SFTPB: variants seen among roughly 807,000 people sequenced by gnomAD.
The protein encoded by SFTPB is pulmonary surfactant-associated protein B.
SFTPB carries 32 observed loss-of-function variants against 51.0 expected under a neutral mutation model. The ratio of observed to expected loss-of-function variants is 0.63; its 90% CI spans 0.47 to 0.84. The LOEUF is 0.84. SFTPB is among the 40% of genes least tolerant of loss of function. The pLI is 0.00. For synonymous variants in SFTPB, 211 were observed against 208.5 expected (o/e 1.01, Z -0.10); for missense variants, 431 against 491.2 (o/e 0.88, Z 1.16).
chr2:85,661,672 C>T, intron 9 of SFTPB, 137 bp from the exon 10 acceptor site: 1 of 717,984 alleles, frequency 1.4e-6, no homozygotes, highest in Non-Finnish European at 2.4e-6. Flanking sequence ...ACCCCTCGGG[C>T]CACTCCCTGA....
Position 85,663,510 on chromosome 2 carries a change from G to T in SFTPB, c.857-19C>A, listed in dbSNP as rs775873165. 1 of 1,612,966 alleles carries T rather than the reference G, an allele frequency of 6.2e-7. No individual in the cohort carries two copies. The highest frequency in any genetic ancestry group is 1.1e-5 in the South Asian group (1 of 90,986). ...GGCGACCCTGGAGATGTGAGCATTA[G>T]GGGGAAAGCAGGCAAGGCCACCCTA... On this transcript the variant is annotated intron_variant, in intron 7 of 10. Coordinates refer to ENST00000519937, the MANE Select transcript of SFTPB (RefSeq NM_000542.5).
intron 4 of SFTPB, among the ~76,000 whole-genome samples, chr2:85,666,098 C>T (rs1677574964): frequency 6.6e-6 from 1 of 152,044 alleles, no homozygotes; most frequent in Non-Finnish European, 1.5e-5. Context: ...ACCGTGTGCA[C>T]CTGAACCTGG....
rs1322660594 is a variant in SFTPB at position 85,665,365 on chromosome 2, T to C, written c.596A>G (p.Gln199Arg). Residue 199 changes from glutamine to arginine, a missense_variant, in exon 6 of 11, where the codon CAG becomes CGG. Gln to Arg is a conservative substitution (Grantham distance 43). Coordinates refer to ENST00000519937, the MANE Select transcript of SFTPB (RefSeq NM_000542.5). ...PGPHTQDLSE[Q>R]QFPIPLPYCW... ...ATAGGGGAGAGGAATGGGGAATTGC[T>C]GCTCGGAGAGATCCTGGGGAAAGAA... The C allele has an allele frequency of 6.2e-7, 1 of 1,614,002 alleles. No individual in the cohort carries two copies.
At chr2:85,664,880 AGT>A in intron 6 of SFTPB, among the ~76,000 whole-genome samples, 1 of 152,350 alleles carries the variant, frequency 6.6e-6, no homozygotes, top group Admixed American at 6.5e-5. Flanking sequence ...GAAGACTCCA[AGT>A]TGGACTCAGG....
chr2:85,666,645 AG>A lies in SFTPB; in HGVS notation c.364del (p.Leu122TrpfsTer93), dbSNP rs1370682465. 1.9e-6 allele frequency: 3 copies of A among 1,613,644 alleles called. No homozygotes were observed. Among genetic ancestry groups the A allele is most frequent in the East Asian group, 2.2e-5 (1 of 44,866 alleles). On this transcript the variant is annotated frameshift_variant, in exon 4 of 11. Transcript: ENST00000519937. LOFTEE classifies it high-confidence loss of function. ...CTGGTTCTGGAAGTAGTCGATGACC[AG>A]GGGGAAGTAGTCGTCAAGCACTTGG... The part of the protein sequence containing the change: ...CNQVLDDYFP[L>X]VIDYFQNQTD...
chr2:85,667,292 G>A, intron 2 of SFTPB, 115 bp from the exon 3 acceptor site: 1 of 781,444 alleles, frequency 1.3e-6, no homozygotes, highest in Non-Finnish European at 2.3e-6. Context: ...ACATGCAGCT[G>A]CCCACCAGCC....
chr2:85,666,831 G>A, intron 3 of SFTPB, 89 bp from the exon 4 acceptor site: 6 of 1,553,390 alleles, frequency 3.9e-6, no homozygotes, highest in Non-Finnish European at 5.3e-6. Flanking sequence ...AGGGCAGACT[G>A]ACCCCTAATC....
At chr2:85,668,608 G>T, upstream of SFTPB, 1 of 218,634 alleles carries the variant, frequency 4.6e-6, no homozygotes, top group African/African-American at 2.3e-5. Flanking sequence ...AGAGCTTCCT[G>T]CCTGGCTCTT....
At chr2:85,663,970 G>A (rs950174450) in intron 6 of SFTPB, 123 bp from the exon 7 acceptor site, 2 of 934,372 alleles carry the variant, frequency 2.1e-6, no homozygotes, top group Non-Finnish European at 3.2e-6. Flanking sequence ...GGGAGGGCAA[G>A]GCTATTCACA....
chr2:85,663,673 C>G lies in SFTPB; in HGVS notation c.847G>C (p.Ala283Pro). 6.2e-7 allele frequency: 1 copy of G among 1,611,508 alleles called. No homozygotes were observed. Among genetic ancestry groups the G allele is most frequent in the South Asian group, 1.1e-5 (1 of 90,536 alleles). ...LVLRCSMDDSAGPRSPTGEWL... is the reference protein window; with the variant it reads ...LVLRCSMDDSPGPRSPTGEWL... ...TGGGCAGTGGGCTCACTTGGGCCAG[C>G]GCTGTCATCCATGGAGCACCGGAGG... The change falls in exon 7 of 11, where the codon GCT (alanine) becomes CCT (proline). Residue 283 changes from alanine (A) to proline (P), a missense_variant. Physicochemically the swap from Ala to Pro is conservative, Grantham distance 27. Coordinates refer to ENST00000519937, the MANE Select transcript of SFTPB (RefSeq NM_000542.5).
At position 85,657,749 on chromosome 2, in the gene SFTPB, G is replaced by C. The variant is rs1166659624; in HGVS notation, c.*1953C>G. 6.6e-6 allele frequency: 1 copy of C among 152,230 alleles called. No homozygotes were observed. Among genetic ancestry groups the C allele is most frequent in the East Asian group, 1.9e-4 (1 of 5,198 alleles). The allele number at this position is 152,230 out of a possible 1,614,324, so 9.4% of individuals were successfully genotyped here. A position where few individuals can be genotyped will look rare whatever the true frequency, so the allele number is the denominator to read the frequency against. On this transcript the variant is annotated 3_prime_UTR_variant, in exon 11 of 11. Transcript: ENST00000519937. Reference sequence around the variant, plus strand: ...CTGAGTCCAAAAAGAGTCAGCAAAGGGTGGTGGGATTATCATTAGTTCTTG... The same window carrying C: ...CTGAGTCCAAAAAGAGTCAGCAAAGCGTGGTGGGATTATCATTAGTTCTTG...
At chr2:85,661,986 A>T in intron 9 of SFTPB, 43 bp downstream of exon 9, 1 of 1,557,002 alleles carries the variant, frequency 6.4e-7, no homozygotes, top group Non-Finnish European at 8.7e-7. Context: ...GGGCTCTGGG[A>T]GCCAAGGGAA....
In SFTPB at chr2:85,665,843, A is replaced by G. The variant is rs371853933; in HGVS notation, c.394-49T>C. The G allele has an allele frequency of 1.9e-6, 3 of 1,582,320 alleles. No homozygotes were observed. The African/African-American group carries it at 4.0e-5, about 21-fold the overall frequency. ...GTGTTAGGGTCTGGGAGGGAAGCCC[A>G]CCCCTATTCAGGCCGGCCCAAGGGC... On this transcript the variant is annotated intron_variant, in intron 4 of 10. Transcript: ENST00000519937.
chr2:85,665,582 A>G, intron 5 of SFTPB, 24 bp downstream of exon 5: 1 of 1,611,530 alleles, frequency 6.2e-7, no homozygotes, highest in Non-Finnish European at 8.5e-7. Context: ...TCTCCACTTT[A>G]CTGGCTGTGG....
chr2:85,666,589 A>G, intron 4 of SFTPB, 28 bp downstream of exon 4: 1 of 1,610,594 alleles, frequency 6.2e-7, no homozygotes. Flanking sequence ...GTGGGGAGGC[A>G]GGCAGGAGGT....
Position 85,659,042 on chromosome 2 carries a change from C to G in SFTPB, c.*660G>C, listed in dbSNP as rs3024826. 4.4e-3 allele frequency: 669 copies of G among 151,834 alleles called. 7 individuals carry two copies. The highest frequency in any genetic ancestry group is 0.016 in the African/African-American group (645 of 41,238). The allele number at this position is 151,834 out of a possible 1,614,324, so 9.4% of individuals were successfully genotyped here. A position where few individuals can be genotyped will look rare whatever the true frequency, so the allele number is the denominator to read the frequency against. ...CCTTACAGAAAGACAAAAAGAAACC[C>G]CTTTTTATATCTTAACAAAGCAATA... On this transcript the variant is annotated 3_prime_UTR_variant, in exon 11 of 11. Transcript: ENST00000519937.
At position 85,666,755 on chromosome 2, in the gene SFTPB, A is replaced by AG. The variant is rs755269494; in HGVS notation, c.268-14dup. 6.2e-7 allele frequency: 1 copy of AG among 1,613,580 alleles called. No individual in the cohort carries two copies. Among genetic ancestry groups the AG allele is most frequent in the Non-Finnish European group, 8.5e-7 (1 of 1,179,820 alleles). On this transcript the variant is annotated splice_polypyrimidine_tract_variant and intron_variant, in intron 3 of 10. Transcript: ENST00000519937. ...TCCTCATCGTGTCCTGGGAGGCCAG[A>AG]GGGGGCCGTCAGCTGGGCCTCTCTG...
chr2:85,663,485 G>C lies in SFTPB; in HGVS notation c.863C>G (p.Pro288Arg), dbSNP rs35076740. Residue 288 changes from proline to arginine, a missense_variant, in exon 8 of 11, where the codon CCG becomes CGG. Transcript: ENST00000519937. ...SMDDSAGPRS[P>R]TGEWLPRDSE... ...GTCTCGCGGCAGCCATTCTCCTGTC[G>C]GCGACCCTGGAGATGTGAGCATTAG... 1 of 1,613,660 alleles carries C rather than the reference G, an allele frequency of 6.2e-7. No individual in the cohort carries two copies. The highest frequency in any genetic ancestry group is 8.5e-7 in the Non-Finnish European group (1 of 1,179,988).
At chr2:85,665,015 TG>T (rs1558575526) in intron 6 of SFTPB, among the ~76,000 whole-genome samples, 1 of 152,196 alleles carries the variant, frequency 6.6e-6, no homozygotes, top group Non-Finnish European at 1.5e-5. Context: ...AGCTGCGTCT[TG>T]TCCGTTTTTG....
Sources: allele counts gnomAD v4.1 joint callset (sites outside exome capture counted in the v4.1 genomes callset), GRCh38; gene constraint gnomAD v4.1.1; transcripts MANE v1.5; gene names NCBI Gene and HGNC (gene_info 2026-07-23, HGNC 2026-07-21).